The following GORASP1 variants were observed in gnomAD, a reference collection of about 807,000 sequenced individuals.
GORASP1 encodes Golgi reassembly-stacking protein 1.
GORASP1 carries 31 observed loss-of-function variants against 37.7 expected under a neutral mutation model. The ratio of observed to expected loss-of-function variants is 0.82; its 90% confidence interval spans 0.62 to 1.11. The LOEUF (loss-of-function observed/expected upper bound fraction) is 1.11. GORASP1 is among the 50% of genes least tolerant of loss of function. GORASP1 has a pLI of 0.00. For missense variants in GORASP1, 476 were observed against 560.7 expected (o/e 0.85, Z 1.53); for synonymous variants, 204 against 224.8 (o/e 0.91, Z 0.83).
chr3:39,098,995 G>C lies in GORASP1; in HGVS notation c.917-102C>G. The C allele has an allele frequency of 7.0e-7, 1 of 1,430,364 alleles. No individual in the cohort carries two copies. Among genetic ancestry groups the C allele is most frequent in the Non-Finnish European group, 9.7e-7 (1 of 1,033,756 alleles). 88.6% of individuals were successfully genotyped at this position (1,430,364 alleles called of 1,614,324 possible). A position where few individuals can be genotyped will look rare whatever the true frequency, so the allele number is the denominator to read the frequency against. On this transcript the variant is annotated intron_variant, in intron 7 of 8. Transcript: ENST00000319283. This position sits in a 1 kb window ranked among gnomAD's most constrained non-coding sequence, Gnocchi z 4.7. ...CTAGGGCATCTGGCCCAGCCTGTGAGACTGTAATCTCCTCAGCCCCTGGTG... is the reference window on the plus strand; with the variant it reads ...CTAGGGCATCTGGCCCAGCCTGTGACACTGTAATCTCCTCAGCCCCTGGTG...
chr3:39,103,042 AC>A lies in GORASP1; in HGVS notation c.145-162del. ...GGTAGTGGATGGGCCAGGTTCACAG[AC>A]CAGGGTTGAGCCTGCAGCCACTGGG... On this transcript the variant is annotated intron_variant, in intron 2 of 8. Transcript: ENST00000319283. This position sits in a 1 kb window ranked among gnomAD's most constrained non-coding sequence, Gnocchi z 5.2. 1 of 695,248 alleles carries A rather than the reference AC, an allele frequency of 1.4e-6. No individual in the cohort carries two copies. Among genetic ancestry groups the A allele is most frequent in the East Asian group, 2.6e-5 (1 of 38,602 alleles). 43.1% of individuals were successfully genotyped at this position (695,248 alleles called of 1,614,324 possible). A position where few individuals can be genotyped will look rare whatever the true frequency, so the allele number is the denominator to read the frequency against.
At chr3:39,107,363 G>C in intron 1 of GORASP1, 116 bp downstream of exon 1, 1 of 653,080 alleles carries the variant, frequency 1.5e-6, no homozygotes. Flanking sequence ...CGCCACCCAG[G>C]CGGAAACACT....
intron 1 of GORASP1, among the ~76,000 whole-genome samples, chr3:39,104,245 T>C (rs944055386): frequency 3.9e-5 from 6 of 152,136 alleles, no homozygotes; most frequent in Non-Finnish European, 8.8e-5. Context: ...ACCAGCCTCA[T>C]AGTGTAGCCT....
Position 39,098,309 on chromosome 3 carries a change from C to T in GORASP1, c.1250G>A (p.Ser417Asn). Residue 417 changes from serine (S) to asparagine (N), a missense_variant, in exon 9 of 9, where the codon AGC becomes AAC. Ser to Asn is a conservative substitution (Grantham distance 46). Transcript: ENST00000319283. The surrounding 1 kb of genome is among the most constrained non-coding windows in gnomAD (Gnocchi z 4.7). Reference sequence around the variant, plus strand: ...CGTCCCAGTATCTAGGCCCTCTGTGCTTGCTGGTTCCTCCTCAGCCTGAGC... The same window carrying T: ...CGTCCCAGTATCTAGGCCCTCTGTGTTTGCTGGTTCCTCCTCAGCCTGAGC... ...LEAQAEEEPASTEGLDTGTEA... is the reference protein window; with the variant it reads ...LEAQAEEEPANTEGLDTGTEA... 6 of 1,614,178 alleles carry T rather than the reference C, an allele frequency of 3.7e-6. No homozygotes were observed. The highest frequency in any genetic ancestry group is 5.1e-6 in the Non-Finnish European group (6 of 1,180,022).
In GORASP1 at chr3:39,102,644, C is replaced by T. The variant is rs375551026; in HGVS notation, c.348+34G>A. 687 of 1,609,366 alleles carry T rather than the reference C, an allele frequency of 4.3e-4. 1 individual carries two copies. Among genetic ancestry groups the T allele is most frequent in the Non-Finnish European group, 5.3e-4 (623 of 1,176,422 alleles). The stretch of plus-strand genomic sequence containing the variant: ...ACCTGCCCCAGTAAACTCATCCTTC[C>T]GACACACCCTGCCCTGCCATACCCC... On this transcript the variant is annotated intron_variant, in intron 3 of 8. Coordinates refer to ENST00000319283, the MANE Select transcript of GORASP1 (RefSeq NM_031899.4). This position sits in a 1 kb window ranked among gnomAD's most constrained non-coding sequence, Gnocchi z 5.0.
chr3:39,100,739 C>T lies in GORASP1; in HGVS notation c.566+8G>A, dbSNP rs530984123. On this transcript the variant is annotated splice_region_variant and intron_variant, in intron 5 of 8. Transcript: ENST00000319283. The surrounding 1 kb of genome is among the most constrained non-coding windows in gnomAD (Gnocchi z 4.6). ...CTGGCCCTGCAGCCCTCCAACCCCACGAAGTACCTGCCCTCTCCACCCCAG... is the reference window on the plus strand; with the variant it reads ...CTGGCCCTGCAGCCCTCCAACCCCATGAAGTACCTGCCCTCTCCACCCCAG... 2.0e-5 allele frequency: 32 copies of T among 1,613,074 alleles called. 1 individual carries two copies. In the South Asian group the frequency reaches 2.6e-4, roughly 13 times the overall value.
At position 39,100,794 on chromosome 3, in the gene GORASP1, G is replaced by A. The variant is rs776848623; in HGVS notation, c.519C>T (p.Cys173=). The change falls in exon 5 of 9, where the codon TGC becomes TGT. Residue 173 remains cysteine, a synonymous_variant. Transcript: ENST00000319283. The surrounding 1 kb of genome is among the most constrained non-coding windows in gnomAD (Gnocchi z 4.6). ...CGTTGGGAGTTACAGTCACCTCCCGGCAGGAGTCTGACTTGGAGTTATACA... is the reference window on the plus strand; with the variant it reads ...CGTTGGGAGTTACAGTCACCTCCCGACAGGAGTCTGACTTGGAGTTATACA... The part of the protein sequence containing the change: ...LMVYNSKSDS[C]REVTVTPNAA... 1.2e-6 allele frequency: 2 copies of A among 1,614,086 alleles called. No homozygotes were observed. The highest frequency in any genetic ancestry group is 2.2e-5 in the South Asian group (2 of 91,088).
At chr3:39,099,916 C>G (rs1575453913) in intron 6 of GORASP1, among the ~76,000 whole-genome samples, 1 of 152,220 alleles carries the variant, frequency 6.6e-6, no homozygotes, top group Non-Finnish European at 1.5e-5. Flanking sequence ...TCAGAGGACC[C>G]ACTCATCAGC....
intron 1 of GORASP1, chr3:39,107,083 C>T (rs2036207787): frequency 2.1e-6 from 1 of 469,870 alleles, no homozygotes; most frequent in African/African-American, 2.0e-5. Flanking sequence ...GTGGCTGACT[C>T]TCTTCCCAGG....
In GORASP1 at chr3:39,098,878, G is replaced by A. The variant is rs758164045; in HGVS notation, c.932C>T (p.Ser311Leu). 34 of 1,613,894 alleles carry A rather than the reference G, an allele frequency of 2.1e-5. No individual in the cohort carries two copies. Among genetic ancestry groups the A allele is most frequent in the East Asian group, 8.9e-5 (4 of 44,888 alleles). Residue 311 changes from serine (S) to leucine (L), a missense_variant, in exon 8 of 9, where the codon TCG (serine) becomes TTG (leucine). Ser to Leu is a moderately radical substitution (Grantham distance 145). Transcript: ENST00000319283. The surrounding 1 kb of genome is among the most constrained non-coding windows in gnomAD (Gnocchi z 4.7). The stretch of plus-strand genomic sequence containing the variant: ...GCTGTTGTCCAAGAGAGAAATTCCC[G>A]ACACGTCCAGGAAGCCTAGGGGAGG... ...RVMDPGFLDV[S>L]GISLLDNSNA...
At chr3:39,104,058 C>A (rs1420172599) in intron 1 of GORASP1, among the ~76,000 whole-genome samples, 2 of 152,176 alleles carry the variant, frequency 1.3e-5, no homozygotes, top group Non-Finnish European at 2.9e-5. Flanking sequence ...CCAGCTTGCA[C>A]CCCAGCCTCT....
Position 39,098,265 on chromosome 3 carries a change from T to G in GORASP1, c.1294A>C (p.Ser432Arg). 2 of 1,614,190 alleles carry G rather than the reference T, an allele frequency of 1.2e-6. No individual in the cohort carries two copies. The highest frequency in any genetic ancestry group is 3.3e-4 in the Middle Eastern group (2 of 6,062). Residue 432 changes from serine to arginine, a missense_variant, in exon 9 of 9, where the codon AGC becomes CGC. Coordinates refer to ENST00000319283, the MANE Select transcript of GORASP1 (RefSeq NM_031899.4). The surrounding 1 kb of genome is among the most constrained non-coding windows in gnomAD (Gnocchi z 4.7). Reference sequence around the variant, plus strand: ...TCTGTGGTAGAGATCTGGGCCTGGCTGTCCAGCCCCTCAGCCTCCGTCCCA... The same window carrying G: ...TCTGTGGTAGAGATCTGGGCCTGGCGGTCCAGCCCCTCAGCCTCCGTCCCA... ...DTGTEAEGLD[S>R]QAQISTTE
chr3:39,101,632 T>C (rs4676631), intron 3 of GORASP1: 13,546 of 449,878 alleles, frequency 0.03, 458 homozygotes, highest in East Asian at 0.16. Context: ...CCCTTCTCCC[T>C]TGGAAAGTTC....
chr3:39,101,286 G>C (rs2035693310), intron 3 of GORASP1, 184 bp from the exon 4 acceptor site: 1 of 639,084 alleles, frequency 1.6e-6, no homozygotes, highest in African/African-American at 1.8e-5. Context: ...CAGGTCTACA[G>C]CCTGTCCAGC....
chr3:39,098,284 C>T lies in GORASP1; in HGVS notation c.1275G>A (p.Thr425=), dbSNP rs1559639060. Residue 425 remains threonine, a synonymous_variant, in exon 9 of 9, where the codon ACG becomes ACA. Transcript: ENST00000319283. This position sits in a 1 kb window ranked among gnomAD's most constrained non-coding sequence, Gnocchi z 4.7. Reference sequence around the variant, plus strand: ...CCTGGCTGTCCAGCCCCTCAGCCTCCGTCCCAGTATCTAGGCCCTCTGTGC... The same window carrying T: ...CCTGGCTGTCCAGCCCCTCAGCCTCTGTCCCAGTATCTAGGCCCTCTGTGC... ...PASTEGLDTG[T]EAEGLDSQAQ... is the part of the protein sequence containing the mutation. 2.5e-6 allele frequency: 4 copies of T among 1,614,058 alleles called. No homozygotes were observed. Among genetic ancestry groups the T allele is most frequent in the Admixed American group, 3.3e-5 (2 of 60,008 alleles).
rs1366919679 is a variant in GORASP1 at position 39,098,228 on chromosome 3, C to T, written c.*8G>A. The T allele has an allele frequency of 6.2e-7, 1 of 1,612,896 alleles. No individual in the cohort carries two copies. Among genetic ancestry groups the T allele is most frequent in the Non-Finnish European group, 8.5e-7 (1 of 1,179,374 alleles). The stretch of plus-strand genomic sequence containing the variant: ...ATGTCATCATGGGCCTTGTCACAGC[C>T]CAGGGTGTTATTCTGTGGTAGAGAT... On this transcript the variant is annotated 3_prime_UTR_variant, in exon 9 of 9. Coordinates refer to ENST00000319283, the MANE Select transcript of GORASP1 (RefSeq NM_031899.4). This position sits in a 1 kb window ranked among gnomAD's most constrained non-coding sequence, Gnocchi z 4.7.
chr3:39,099,234 A>G, intron 7 of GORASP1, 119 bp downstream of exon 7: 5 of 1,149,266 alleles, frequency 4.4e-6, no homozygotes, highest in Non-Finnish European at 6.5e-6. Context: ...TGCAACTATT[A>G]AATATCTTGG....
Position 39,098,730 on chromosome 3 carries a change from T to A in GORASP1, c.1069+11A>T. 1.9e-6 allele frequency: 3 copies of A among 1,613,096 alleles called. No homozygotes were observed. Among genetic ancestry groups the A allele is most frequent in the Non-Finnish European group, 2.5e-6 (3 of 1,179,400 alleles). On this transcript the variant is annotated intron_variant, in intron 8 of 8. Coordinates refer to ENST00000319283, the MANE Select transcript of GORASP1 (RefSeq NM_031899.4). The surrounding 1 kb of genome is among the most constrained non-coding windows in gnomAD (Gnocchi z 4.7). The stretch of plus-strand genomic sequence containing the variant: ...CTTCCCAGAGGACTTCGGAAGGTGA[T>A]GGCCACTCACCACCCCGCTCATGAG...
Position 39,100,375 on chromosome 3 carries a change from A to C in GORASP1, c.695T>G (p.Leu232Arg). 6.2e-7 allele frequency: 1 copy of C among 1,614,142 alleles called. No individual in the cohort carries two copies. Among genetic ancestry groups the C allele is most frequent in the Non-Finnish European group, 8.5e-7 (1 of 1,180,006 alleles). ...GTCCTCGGGGGTGGGTCCAGGTGGT[A>C]GAGCATCAGGTGGTGGGGCACCAAG... ...LPLGAPPPDALPPGPTPEDSP... is the reference protein window; with the variant it reads ...LPLGAPPPDARPPGPTPEDSP... Residue 232 changes from leucine (L) to arginine (R), a missense_variant, in exon 6 of 9, where the codon CTA (leucine) becomes CGA (arginine). Coordinates refer to ENST00000319283, the MANE Select transcript of GORASP1 (RefSeq NM_031899.4). The surrounding 1 kb of genome is among the most constrained non-coding windows in gnomAD (Gnocchi z 4.6).
Sources: gnomAD v4.1 joint callset for allele counts (sites outside exome capture counted in the v4.1 genomes callset) on GRCh38, gnomAD v4.1.1 for gene constraint, Gnocchi (gnomAD v3.1) non-coding constraint, MANE v1.5 for transcripts, NCBI Gene and HGNC (gene_info 2026-07-23, HGNC 2026-07-21) for gene names.